The following JAZF1 variants were observed in gnomAD, a reference collection of about 807,000 sequenced individuals.
The protein encoded by JAZF1 is juxtaposed with another zinc finger protein 1.
JAZF1 carries 8 observed loss-of-function variants against 26.4 expected under a neutral mutation model. That is an observed-to-expected ratio of 0.30 (90% CI 0.18 to 0.55). The LOEUF (loss-of-function observed/expected upper bound fraction) is 0.55, where lower values mean the gene tolerates loss of function less well. JAZF1 is among the 20% of genes least tolerant of loss of function. The probability of loss-of-function intolerance (pLI) is 0.94; values close to 1 mark genes in which losing one functional copy is unlikely to be tolerated. For synonymous variants in JAZF1, 126 were observed against 122.3 expected (o/e 1.03, Z -0.20); for missense variants, 199 against 322.0 (o/e 0.62, Z 2.92).
At chr7:27,999,067 T>C (rs1786080353) in intron 1 of JAZF1, among the ~76,000 whole-genome samples, 1 of 152,204 alleles carries the variant, frequency 6.6e-6, no homozygotes, top group South Asian at 2.1e-4. Flanking sequence ...AGCTCTCGCC[T>C]TGTTACTTGT....
At chr7:27,980,546 T>C (rs1346028538) in intron 2 of JAZF1, among the ~76,000 whole-genome samples, 2 of 152,152 alleles carry the variant, frequency 1.3e-5, no homozygotes, top group East Asian at 1.9e-4. Context: ...CCTCTGCTGA[T>C]TGATTAGTCA....
chr7:28,031,868 T>C (rs1298747339), intron 1 of JAZF1, among the ~76,000 whole-genome samples: 1 of 152,140 alleles, frequency 6.6e-6, no homozygotes, highest in Non-Finnish European at 1.5e-5. Context: ...ATCCTGCATA[T>C]GTACCCCAGA....
intron 1 of JAZF1, among the ~76,000 whole-genome samples, chr7:28,108,140 T>G (rs1423450048): frequency 1.3e-5 from 2 of 152,196 alleles, no homozygotes; most frequent in African/African-American, 4.8e-5. Flanking sequence ...GCACTATCTT[T>G]ATTGTACCCA....
intron 2 of JAZF1, among the ~76,000 whole-genome samples, chr7:27,920,838 A>T (rs1452657327): frequency 6.6e-5 from 10 of 152,266 alleles, no homozygotes; most frequent in Non-Finnish European, 4.4e-5. Context: ...CGTAAGTGGA[A>T]AAAAGCATAA....
chr7:27,898,629 CACA>C (rs1472126680), intron 2 of JAZF1, among the ~76,000 whole-genome samples: 3 of 152,032 alleles, frequency 2.0e-5, no homozygotes, highest in African/African-American at 7.3e-5. Context: ...TCAGATATAA[CACA>C]ACAACTATAA....
At chr7:27,833,748 TTC>T (rs1189011254) in intron 4 of JAZF1, among the ~76,000 whole-genome samples, 3 of 152,196 alleles carry the variant, frequency 2.0e-5, no homozygotes, top group South Asian at 2.1e-4. Context: ...CTTTCTAAAT[TTC>T]TGTTTGTCGG....
intron 1 of JAZF1, among the ~76,000 whole-genome samples, chr7:28,155,384 A>G (rs754892110): frequency 1.3e-5 from 2 of 152,224 alleles, no homozygotes; most frequent in Non-Finnish European, 2.9e-5. Context: ...AGTTTAACTC[A>G]TTCTACAGGG....
At chr7:27,940,249 C>G (rs962120834) in intron 2 of JAZF1, among the ~76,000 whole-genome samples, 4 of 151,984 alleles carry the variant, frequency 2.6e-5, no homozygotes, top group African/African-American at 9.7e-5. Context: ...AAGGTGACAC[C>G]TTTCTGCTCT....
At chr7:27,893,593 C>G (rs1784011403) in intron 3 of JAZF1, among the ~76,000 whole-genome samples, 1 of 152,200 alleles carries the variant, frequency 6.6e-6, no homozygotes, top group Non-Finnish European at 1.5e-5. Flanking sequence ...ATTTATCTTT[C>G]AAAGGAAGCC....
chr7:27,941,184 T>C (rs1784840836), intron 2 of JAZF1, among the ~76,000 whole-genome samples: 1 of 152,212 alleles, frequency 6.6e-6, no homozygotes, highest in Non-Finnish European at 1.5e-5. Context: ...AAATGAGCCT[T>C]TCGAAATTAA....
At chr7:28,145,701 G>A (rs1783016638) in intron 1 of JAZF1, among the ~76,000 whole-genome samples, 1 of 148,480 alleles carries the variant, frequency 6.7e-6, no homozygotes, top group Non-Finnish European at 1.5e-5. Flanking sequence ...CATATAGTTG[G>A]GTAACCACCA....
At chr7:28,176,542 A>G (rs530859873) in intron 1 of JAZF1, among the ~76,000 whole-genome samples, 212 of 152,242 alleles carry the variant, frequency 1.4e-3, no homozygotes, top group African/African-American at 5.0e-3. Context: ...TTTCTGTATC[A>G]CTAACCACCT....
chr7:27,975,806 T>A (rs1369774745), intron 2 of JAZF1, among the ~76,000 whole-genome samples: 3 of 152,166 alleles, frequency 2.0e-5, no homozygotes, highest in African/African-American at 7.2e-5. Flanking sequence ...TAAAGATTTT[T>A]AAAAATGGTC....
At position 28,180,599 on chromosome 7, in the gene JAZF1, C is replaced by T. The variant is rs1158549015; in HGVS notation, c.-22G>A. The stretch of plus-strand genomic sequence containing the variant: ...TCATGGTGCTACATCGAGAGCCCCC[C>T]TGGTGTCGGCTCTGCGAGCGCCGGG... On this transcript the variant is annotated 5_prime_UTR_variant, in exon 1 of 5. Coordinates refer to ENST00000283928, the MANE Select transcript of JAZF1 (RefSeq NM_175061.4). 2.7e-6 allele frequency: 4 copies of T among 1,480,396 alleles called. No individual in the cohort carries two copies. Among genetic ancestry groups the T allele is most frequent in the Non-Finnish European group, 3.6e-6 (4 of 1,095,912 alleles). The allele number at this position is 1,480,396 out of a possible 1,614,324, so 91.7% of individuals were successfully genotyped here. A position where few individuals can be genotyped will look rare whatever the true frequency, so the allele number is the denominator to read the frequency against.
chr7:28,002,459 A>G (rs998671013), intron 1 of JAZF1, among the ~76,000 whole-genome samples: 6 of 152,220 alleles, frequency 3.9e-5, no homozygotes, highest in African/African-American at 1.4e-4. Flanking sequence ...AACTGCCTCA[A>G]TTCAATCCTA....
At chr7:28,101,973 CGTT>C (rs1562587722) in intron 1 of JAZF1, among the ~76,000 whole-genome samples, 2 of 151,972 alleles carry the variant, frequency 1.3e-5, no homozygotes, top group African/African-American at 4.8e-5. Flanking sequence ...ATTTTCTACA[CGTT>C]GTCTTATGAA....
intron 1 of JAZF1, among the ~76,000 whole-genome samples, chr7:28,146,217 G>A (rs996444041): frequency 6.6e-6 from 1 of 152,240 alleles, no homozygotes; most frequent in Non-Finnish European, 1.5e-5. Context: ...CTAAGGAGCA[G>A]AAGCCAGCAG....
chr7:28,130,852 C>A (rs943496760), intron 1 of JAZF1, among the ~76,000 whole-genome samples: 3 of 152,130 alleles, frequency 2.0e-5, no homozygotes, highest in African/African-American at 7.2e-5. Flanking sequence ...GGATAGAATA[C>A]CAAATGTATG....
chr7:27,869,482 C>A (rs552522637), intron 3 of JAZF1, among the ~76,000 whole-genome samples: 2 of 152,138 alleles, frequency 1.3e-5, no homozygotes, highest in African/African-American at 4.8e-5. Context: ...CATGGAGGTA[C>A]AAACATCTGC....
Sources: allele counts gnomAD v4.1 joint callset (sites outside exome capture counted in the v4.1 genomes callset), GRCh38; gene constraint gnomAD v4.1.1; transcripts MANE v1.5; gene names NCBI Gene and HGNC (gene_info 2026-07-23, HGNC 2026-07-21).